The following TCP1 variants were observed in gnomAD, a reference collection of about 807,000 sequenced individuals.
TCP1 encodes the protein t-complex 1.
A neutral mutation model predicts 54.7 loss-of-function variants in TCP1; 6 were observed. The ratio of observed to expected loss-of-function variants is 0.11; its 90% confidence interval spans 0.06 to 0.22. The LOEUF is 0.22. TCP1 is among the 10% of genes least tolerant of loss of function. TCP1 has a pLI of 1.00. For synonymous variants in TCP1, 225 were observed against 229.7 expected (o/e 0.98, Z 0.19); for missense variants, 511 against 678.2 (o/e 0.75, Z 2.74).
In TCP1 at chr6:159,789,418, G is replaced by C. The variant is rs947236723; in HGVS notation, c.51C>G (p.Ile17Met). The C allele has an allele frequency of 4.8e-5, 78 of 1,613,742 alleles. No homozygotes were observed. The highest frequency in any genetic ancestry group is 6.4e-5 in the Non-Finnish European group (75 of 1,179,858). ...VFGDRSTGETIRSQNVMAAAS... is the reference protein window; with the variant it reads ...VFGDRSTGETMRSQNVMAAAS... ...GCCCGCCCTTACCGTTTTGGGAGCG[G>C]ATCGTTTCCCCAGTGCTGCGGTCAC... Residue 17 changes from isoleucine (I) to methionine (M), a missense_variant, in exon 1 of 12, where the codon ATC (isoleucine) becomes ATG (methionine). Ile to Met is a conservative substitution (Grantham distance 10). Transcript: ENST00000321394.
intron 7 of TCP1, among the ~76,000 whole-genome samples, chr6:159,781,817 A>G (rs1780584254): frequency 6.6e-6 from 1 of 152,214 alleles, no homozygotes; most frequent in Non-Finnish European, 1.5e-5. Flanking sequence ...AGTTGAAAGC[A>G]CAAAAGAAGG....
At chr6:159,780,411 A>T (rs965982664) in intron 9 of TCP1, 32 bp downstream of exon 9, 3 of 1,608,874 alleles carry the variant, frequency 1.9e-6, no homozygotes, top group African/African-American at 1.4e-5. Context: ...CAAAATCGGT[A>T]TAACTTTACA....
chr6:159,780,301 A>G (rs1167156530), intron 9 of TCP1, 142 bp downstream of exon 9: 3 of 1,354,952 alleles, frequency 2.2e-6, no homozygotes, highest in South Asian at 2.3e-5. Context: ...ATCTCAATTT[A>G]CAGTGGCCCA....
At chr6:159,785,527 T>C in intron 4 of TCP1, 31 bp from the exon 5 acceptor site, 1 of 1,528,104 alleles carries the variant, frequency 6.5e-7, no homozygotes, top group South Asian at 1.1e-5. Flanking sequence ...GAAAAACGCT[T>C]ATAAAGTCAC....
intron 7 of TCP1, among the ~76,000 whole-genome samples, chr6:159,783,189 G>A (rs1215416695): frequency 1.3e-5 from 2 of 152,052 alleles, no homozygotes; most frequent in African/African-American, 2.4e-5. Context: ...TCAAAGAAAA[G>A]GCTCTAGAGC....
intron 7 of TCP1, among the ~76,000 whole-genome samples, chr6:159,782,808 G>T (rs1326344319): frequency 1.3e-5 from 2 of 152,174 alleles, no homozygotes; most frequent in South Asian, 4.1e-4. Context: ...GGCTATCCTG[G>T]AGAGTATTAT....
In TCP1 at chr6:159,778,705, C is replaced by G. The variant is rs1056445245; in HGVS notation, c.*340G>C. 1.2e-5 allele frequency: 19 copies of G among 1,614,098 alleles called. No individual in the cohort carries two copies. The highest frequency in any genetic ancestry group is 1.6e-5 in the Non-Finnish European group (19 of 1,180,048). On this transcript the variant is annotated 3_prime_UTR_variant, in exon 12 of 12. Transcript: ENST00000321394. ...ATAGCCTTGGGCCACCCTCTTGGAG[C>G]ATCTGGCTGTCGAATTCTTGTGACC...
rs1554269420 is a variant in TCP1 at position 159,787,078 on chromosome 6, T to TAAAGAAAA, written c.279+664_279+665insTTTTCTTT. ...GGCAACATAGCGAGACCCTGTCTCT[T>TAAAGAAAA]AAAAAAAAAAAAAAGAGGTTTTTAA... is the stretch of plus-strand genomic sequence containing the variant. On this transcript the variant is annotated intron_variant, in intron 3 of 11. Transcript: ENST00000321394. 6.2e-3 allele frequency among the ~76,000 whole-genome samples: 828 copies of TAAAGAAAA among 133,614 alleles called. 15 individuals carry two copies. The highest frequency in any genetic ancestry group is 0.019 in the African/African-American group (676 of 35,066). The allele number at this position is 133,614 out of a possible 152,430, so 87.7% of individuals were successfully genotyped here.
In TCP1 at chr6:159,778,655, T is replaced by TAGGCGC; in HGVS notation, c.*389_*390insGCGCCT. The TAGGCGC allele has an allele frequency of 1.2e-6, 2 of 1,613,304 alleles. No homozygotes were observed. The highest frequency in any genetic ancestry group is 4.5e-5 in the East Asian group (2 of 44,830). ...AACAATCTAAATCTTTTCTCCCCCG[T>TAGGCGC]TAGGTCAATATTGAAGGAGGGGCTA... On this transcript the variant is annotated 3_prime_UTR_variant, in exon 12 of 12. Coordinates refer to ENST00000321394, the MANE Select transcript of TCP1 (RefSeq NM_030752.3).
intron 7 of TCP1, 54 bp downstream of exon 7, chr6:159,783,886 TA>T (rs377756461): frequency 1.1e-5 from 16 of 1,519,724 alleles, no homozygotes; most frequent in Non-Finnish European, 1.1e-5. Context: ...CTAAAAATGT[TA>T]AAGTCCTCCA....
Position 159,778,857 on chromosome 6 carries a change from T to G in TCP1, c.*188A>C. On this transcript the variant is annotated 3_prime_UTR_variant, in exon 12 of 12. Coordinates refer to ENST00000321394, the MANE Select transcript of TCP1 (RefSeq NM_030752.3). ...TGCTTAAACTTTGAACAACCTCAAT[T>G]TCTTTTTAAACTAATAAAGTACTAG... 6.2e-7 allele frequency: 1 copy of G among 1,613,654 alleles called. No homozygotes were observed. Among genetic ancestry groups the G allele is most frequent in the Non-Finnish European group, 8.5e-7 (1 of 1,179,632 alleles).
Position 159,785,458 on chromosome 6 carries a change from T to C in TCP1, c.416A>G (p.Asn139Ser). 1 of 1,613,976 alleles carries C rather than the reference T, an allele frequency of 6.2e-7. No individual in the cohort carries two copies. The highest frequency in any genetic ancestry group is 2.2e-5 in the East Asian group (1 of 44,882). The change falls in exon 5 of 12, where the codon AAC becomes AGC. Residue 139 changes from asparagine to serine, a missense_variant. By Grantham distance (46) the Asn-to-Ser change is conservative (BLOSUM62 1). Around this residue, in one of 5 missense-constraint regions of TCP1, gnomAD observed 305 missense variants for 352.8 expected, o/e 0.86. Transcript: ENST00000321394. The stretch of plus-strand genomic sequence containing the variant: ...GCAATCTCTTCCCAGTTCATCTGTG[T>C]TAACAATTAGGTTTTCATTGATATA... ...VRYINENLIVNTDELGRDCLI... is the reference protein window; with the variant it reads ...VRYINENLIVSTDELGRDCLI...
Position 159,780,457 on chromosome 6 carries a change from C to G in TCP1, c.1083G>C (p.Leu361=). Residue 361 remains leucine, a synonymous_variant, in exon 9 of 12, where the codon CTG becomes CTC. Coordinates refer to ENST00000321394, the MANE Select transcript of TCP1 (RefSeq NM_030752.3). The part of the protein sequence containing the change: ...VVQERICDDE[L]ILIKNTKART... ...GTGGCTCTTACTTTTTGATTAAGAT[C>G]AGCTCATCATCACAAATTCTCTCCT... 1 of 1,613,924 alleles carries G rather than the reference C, an allele frequency of 6.2e-7. No homozygotes were observed. The highest frequency in any genetic ancestry group is 1.3e-5 in the African/African-American group (1 of 75,036).
chr6:159,789,584 C>G lies in TCP1; in HGVS notation c.-116G>C, dbSNP rs1780801845. The G allele has an allele frequency of 1.5e-6, 2 of 1,313,118 alleles. No individual in the cohort carries two copies. Among genetic ancestry groups the G allele is most frequent in the Admixed American group, 1.9e-5 (1 of 51,286 alleles). The allele number at this position is 1,313,118 out of a possible 1,614,324, so 81.3% of individuals were successfully genotyped here. On this transcript the variant is annotated 5_prime_UTR_variant, in exon 1 of 12. Coordinates refer to ENST00000321394, the MANE Select transcript of TCP1 (RefSeq NM_030752.3). ...TGCGACGGCGTGGAGCGTACCCGAG[C>G]GATGTCCCAGGAGCTACTGGGTAAC... is the stretch of plus-strand genomic sequence containing the variant.
At chr6:159,779,519 G>C in intron 11 of TCP1, 108 bp downstream of exon 11, 1 of 1,423,190 alleles carries the variant, frequency 7.0e-7, no homozygotes, top group Non-Finnish European at 9.5e-7. Context: ...TTCATGTTAA[G>C]TATTTGACAA....
intron 5 of TCP1, 106 bp from the exon 6 acceptor site, chr6:159,784,953 T>C (rs1231414818): frequency 8.8e-7 from 1 of 1,138,978 alleles, no homozygotes; most frequent in African/African-American, 1.6e-5. Flanking sequence ...ATCTAATCTA[T>C]TAAAGCAGCA....
At chr6:159,786,919 A>G (rs1780711424) in intron 3 of TCP1, among the ~76,000 whole-genome samples, 1 of 152,086 alleles carries the variant, frequency 6.6e-6, no homozygotes, top group Non-Finnish European at 1.5e-5. Context: ...TCACACTCCC[A>G]TTTTGAATTC....
chr6:159,781,418 G>A (rs1206879170), intron 7 of TCP1, among the ~76,000 whole-genome samples: 1 of 152,214 alleles, frequency 6.6e-6, no homozygotes, highest in Non-Finnish European at 1.5e-5. Flanking sequence ...TGTCACTAAA[G>A]TGGTATGCAG....
intron 7 of TCP1, among the ~76,000 whole-genome samples, chr6:159,783,379 A>ATTTTTTTTTTTTTTTTT (rs770127722): frequency 8.4e-6 from 1 of 118,838 alleles, no homozygotes. Context: ...TGTTTAAACT[A>ATTTTTTTTTTTTTTTTT]TTTTTTTTTT....
Sources: allele counts gnomAD v4.1 joint callset (sites outside exome capture counted in the v4.1 genomes callset), GRCh38; gene constraint gnomAD v4.1.1; regional missense constraint gnomAD v4.1.1; transcripts MANE v1.5; gene names NCBI Gene and HGNC (gene_info 2026-07-23, HGNC 2026-07-21).